The following SLC24A3 variants were observed in gnomAD, a reference collection of about 807,000 sequenced individuals.
SLC24A3 encodes sodium/potassium/calcium exchanger 3.
In SLC24A3, 28 loss-of-function variants were observed where a neutral mutation model predicts 75.8. That is an observed-to-expected ratio of 0.37 (90% confidence interval 0.27 to 0.51). SLC24A3 has a LOEUF of 0.51. SLC24A3 is among the 20% of genes least tolerant of loss of function. The pLI is 0.94. For missense variants in SLC24A3, 663 were observed against 847.8 expected, an observed-to-expected ratio of 0.78 and a Z score of 2.71; for synonymous variants, 372 against 334.1, an observed-to-expected ratio of 1.11 and a Z score of -1.24.
At chr20:19,357,369 G>A (rs909598608) in intron 2 of SLC24A3, among the ~76,000 whole-genome samples, 3 of 152,098 alleles carry the variant, frequency 2.0e-5, no homozygotes, top group Non-Finnish European at 4.4e-5. Flanking sequence ...AATTTGTTCC[G>A]GAAGCCTAGG....
intron 2 of SLC24A3, among the ~76,000 whole-genome samples, chr20:19,367,268 G>A (rs1017267406): frequency 8.5e-5 from 13 of 152,204 alleles, no homozygotes; most frequent in Admixed American, 3.9e-4. Flanking sequence ...AATTCCTCTG[G>A]ATAGTGGTCA....
chr20:19,684,138 C>T (rs1568697088), intron 10 of SLC24A3, 38 bp from the exon 11 acceptor site: 2 of 1,597,906 alleles, frequency 1.3e-6, no homozygotes. Flanking sequence ...TGCTCCTGGC[C>T]TCCATGTTAT....
intron 2 of SLC24A3, among the ~76,000 whole-genome samples, chr20:19,315,345 A>G (rs1984561692): frequency 6.6e-6 from 1 of 152,202 alleles, no homozygotes; most frequent in Non-Finnish European, 1.5e-5. Flanking sequence ...GGACGAGATC[A>G]CTGGGGCTGG....
chr20:19,437,793 G>A (rs535533575), intron 2 of SLC24A3, among the ~76,000 whole-genome samples: 31 of 152,284 alleles, frequency 2.0e-4, no homozygotes, highest in Admixed American at 1.4e-3. Context: ...CCTCAAGTGC[G>A]TTCTGATCCT....
chr20:19,459,315 G>T (rs951808553), intron 2 of SLC24A3, among the ~76,000 whole-genome samples: 2 of 152,104 alleles, frequency 1.3e-5, no homozygotes, highest in Non-Finnish European at 2.9e-5. Flanking sequence ...CATTTCACCT[G>T]CCACCATGTG....
intron 3 of SLC24A3, among the ~76,000 whole-genome samples, chr20:19,570,507 T>C (rs1287215203): frequency 6.6e-6 from 1 of 152,168 alleles, no homozygotes; most frequent in African/African-American, 2.4e-5. Context: ...CCAACCCAGA[T>C]TGCTAAATAG....
At chr20:19,220,221 T>C (rs1252677608) in intron 1 of SLC24A3, among the ~76,000 whole-genome samples, 1 of 152,218 alleles carries the variant, frequency 6.6e-6, no homozygotes, top group African/African-American at 2.4e-5. Context: ...CGTTTTTGGC[T>C]TGTCAATAGT....
intron 2 of SLC24A3, among the ~76,000 whole-genome samples, chr20:19,309,741 C>T (rs930216786): frequency 1.3e-5 from 2 of 152,212 alleles, no homozygotes; most frequent in Non-Finnish European, 2.9e-5. Flanking sequence ...AGCTTCTTCT[C>T]TGTGTGGCAG....
chr20:19,405,366 C>G (rs1043860549), intron 2 of SLC24A3, among the ~76,000 whole-genome samples: 1 of 152,112 alleles, frequency 6.6e-6, no homozygotes, highest in African/African-American at 2.4e-5. Flanking sequence ...TCTGTCTTCC[C>G]GTTTTTTCTG....
intron 2 of SLC24A3, among the ~76,000 whole-genome samples, chr20:19,508,015 A>G (rs967535537): frequency 3.3e-5 from 5 of 152,216 alleles, no homozygotes; most frequent in Non-Finnish European, 5.9e-5. Flanking sequence ...ACACATGGAC[A>G]AGAAAATGCC....
At chr20:19,651,371 T>TTA (rs201410584) in intron 6 of SLC24A3, among the ~76,000 whole-genome samples, 3,543 of 105,804 alleles carry the variant, frequency 0.033, 81 homozygotes, top group South Asian at 0.14. Context: ...CTGGTTTTTA[T>TTA]TATATATATA....
At chr20:19,473,720 C>T (rs959642209) in intron 2 of SLC24A3, among the ~76,000 whole-genome samples, 5 of 152,198 alleles carry the variant, frequency 3.3e-5, no homozygotes, top group Non-Finnish European at 5.9e-5. Context: ...AGGGACAATG[C>T]TGTCCACAGA....
intron 15 of SLC24A3, among the ~76,000 whole-genome samples, chr20:19,713,178 G>T (rs2033008393): frequency 6.6e-6 from 1 of 152,206 alleles, no homozygotes; most frequent in African/African-American, 2.4e-5. Context: ...GGAGTGCTGA[G>T]GGGTGAAATG....
At chr20:19,307,702 TG>T (rs1243224642) in intron 2 of SLC24A3, among the ~76,000 whole-genome samples, 3 of 152,160 alleles carry the variant, frequency 2.0e-5, no homozygotes, top group African/African-American at 7.2e-5. Context: ...CAAACCATCA[TG>T]GCACATGTGC....
intron 2 of SLC24A3, among the ~76,000 whole-genome samples, chr20:19,303,599 A>G (rs1003263541): frequency 3.3e-5 from 5 of 152,086 alleles, no homozygotes; most frequent in African/African-American, 9.7e-5. Context: ...CTTTCCACCA[A>G]TGGTCTTTCT....
At chr20:19,712,630 C>T (rs150370888) in intron 15 of SLC24A3, among the ~76,000 whole-genome samples, 1 of 152,280 alleles carries the variant, frequency 6.6e-6, no homozygotes, top group African/African-American at 2.4e-5. Context: ...CCTGGCCCTC[C>T]TCGATCTTCA....
rs538102883 is a variant in SLC24A3 at position 19,496,404 on chromosome 20, G to A, written c.272-19084G>A. 7.9e-5 allele frequency among the ~76,000 whole-genome samples: 12 copies of A among 152,282 alleles called. No individual in the cohort carries two copies. The South Asian group carries it at 1.9e-3, about 24-fold the overall frequency. ...CTGTCACATTAAAGGAGCATATGAA[G>A]CCATATCCCCACATAGCTCAGGGAT... On this transcript the variant is annotated intron_variant, in intron 2 of 16. Coordinates refer to ENST00000328041, the MANE Select transcript of SLC24A3 (RefSeq NM_020689.4).
chr20:19,424,634 C>A (rs1380855653), intron 2 of SLC24A3, among the ~76,000 whole-genome samples: 1 of 149,728 alleles, frequency 6.7e-6, no homozygotes, highest in Non-Finnish European at 1.5e-5. Context: ...GTTGTGGAGC[C>A]AAGAGCCTAG....
chr20:19,551,599 C>T (rs920818032), intron 3 of SLC24A3, among the ~76,000 whole-genome samples: 1 of 151,834 alleles, frequency 6.6e-6, no homozygotes, highest in African/African-American at 2.4e-5. Flanking sequence ...TGTTTTTCCT[C>T]ATGTGCGGTT....
Sources: allele counts gnomAD v4.1 joint callset (sites outside exome capture counted in the v4.1 genomes callset), GRCh38; gene constraint gnomAD v4.1.1; transcripts MANE v1.5; gene names NCBI Gene and HGNC (gene_info 2026-07-23, HGNC 2026-07-21).